Variants in RNLS observed in about 807,000 individuals in gnomAD.
RNLS encodes the protein renalase, FAD dependent amine oxidase.
A neutral mutation model predicts 39.8 loss-of-function variants in RNLS; 39 were observed. The ratio of observed to expected loss-of-function variants is 0.98; its 90% CI spans 0.76 to 1.28. The LOEUF is 1.28. RNLS is among the 50% of genes most tolerant of loss of function. RNLS has a pLI of 0.00. For missense variants in RNLS, 410 were observed against 413.3 expected (o/e 0.99, Z 0.07); for synonymous variants, 147 against 150.7 (o/e 0.98, Z 0.18).
the RNLS span, among the ~76,000 whole-genome samples, chr10:88,268,526 C>T: frequency 6.6e-6 from 1 of 152,118 alleles, no homozygotes; most frequent in South Asian, 2.1e-4. Context: ...ATCTCTCTCA[C>T]TAGAATGACA....
the RNLS span, among the ~76,000 whole-genome samples, chr10:88,253,800 TC>T: frequency 1.3e-5 from 2 of 151,936 alleles, no homozygotes; most frequent in Admixed American, 6.6e-5. Flanking sequence ...CCCCCCTCCC[TC>T]CCCTCCTCCT....
chr10:88,223,870 C>G, the RNLS span, among the ~76,000 whole-genome samples: 4 of 152,152 alleles, frequency 2.6e-5, no homozygotes, highest in African/African-American at 9.7e-5. Context: ...TTAACATCGT[C>G]TGGCCCCAAG....
At position 88,583,241 on chromosome 10, in the gene RNLS, G is replaced by T. The variant is rs948350062; in HGVS notation, c.-51C>A. ...TGAGTCTCTGCGGCGGGGCCGTTCG[G>T]CCCGGGCTTTCTGGAAAGGCGGCCG... On this transcript the variant is annotated 5_prime_UTR_variant, in exon 1 of 7. Transcript: ENST00000331772. 5.0e-6 allele frequency: 8 copies of T among 1,603,346 alleles called. No homozygotes were observed. Among genetic ancestry groups the T allele is most frequent in the Non-Finnish European group, 5.1e-6 (6 of 1,176,468 alleles).
the RNLS span, among the ~76,000 whole-genome samples, chr10:88,256,591 C>G: frequency 1.3e-5 from 2 of 152,258 alleles, no homozygotes; most frequent in Non-Finnish European, 2.9e-5. Context: ...CCCTCCCTCA[C>G]AAACCTCCAT....
chr10:88,244,613 C>A, the RNLS span, among the ~76,000 whole-genome samples: 1 of 151,964 alleles, frequency 6.6e-6, no homozygotes, highest in Non-Finnish European at 1.5e-5. Context: ...TATGTATAAA[C>A]CCTGCTGTAT....
At position 88,339,369 on chromosome 10, in the gene RNLS, G is replaced by A. The variant is rs75432727; in HGVS notation, c.700+23183C>T. On this transcript the variant is annotated intron_variant, in intron 5 of 6. Transcript: ENST00000331772. ...TATCAGTCAATTTCAATGTGTTGCAGAGTAGGTGGTGGGGAAAGAAGTAAG... is the reference window on the plus strand; with the variant it reads ...TATCAGTCAATTTCAATGTGTTGCAAAGTAGGTGGTGGGGAAAGAAGTAAG... Among the ~76,000 whole-genome samples, 232 of 152,338 alleles carry A rather than the reference G, an allele frequency of 1.5e-3. 6 individuals are homozygous for A. In the East Asian group the frequency reaches 0.039, roughly 26 times the overall value.
At chr10:88,562,590 A>G (rs1165049341) in intron 4 of RNLS, among the ~76,000 whole-genome samples, 1 of 152,156 alleles carries the variant, frequency 6.6e-6, no homozygotes, top group Non-Finnish European at 1.5e-5. Flanking sequence ...CATGAATGAA[A>G]TGACAATTTG....
intron 4 of RNLS, among the ~76,000 whole-genome samples, chr10:88,524,146 TCCTGGCTCTATCCTCTTTC>T: frequency 1.3e-5 from 2 of 152,166 alleles, no homozygotes; most frequent in South Asian, 4.1e-4. Context: ...TCTTTAGGTT[TCCTGGCTCTATCCTCTTTC>T]CCTGGCTATA....
intron 6 of RNLS, chr10:88,309,398 C>T: frequency 7.8e-7 from 1 of 1,289,130 alleles, no homozygotes; most frequent in East Asian, 5.5e-5. Flanking sequence ...AGAAATTAAT[C>T]TCATGAGGGG....
At chr10:88,457,341 G>A (rs570885668) in intron 4 of RNLS, among the ~76,000 whole-genome samples, 2 of 152,294 alleles carry the variant, frequency 1.3e-5, no homozygotes, top group East Asian at 3.9e-4. Context: ...AGTATAACAA[G>A]GTCACAGTAA....
chr10:88,535,113 G>C (rs77596864), intron 4 of RNLS, among the ~76,000 whole-genome samples: 391 of 152,182 alleles, frequency 2.6e-3, no homozygotes, highest in Non-Finnish European at 3.8e-3. Flanking sequence ...TATATAACAT[G>C]AGGATTAAAT....
At chr10:88,380,422 C>G (rs1851368181) in intron 4 of RNLS, among the ~76,000 whole-genome samples, 1 of 131,054 alleles carries the variant, frequency 7.6e-6, no homozygotes, top group African/African-American at 2.9e-5. Context: ...GTCACCCAGG[C>G]TGGAGTGCAG....
the RNLS span, among the ~76,000 whole-genome samples, chr10:88,179,289 T>C: frequency 6.6e-6 from 1 of 152,140 alleles, no homozygotes; most frequent in Non-Finnish European, 1.5e-5. Flanking sequence ...ATGGACCATA[T>C]GGATATTTCA....
chr10:88,268,568 A>G, the RNLS span, among the ~76,000 whole-genome samples: 7 of 152,216 alleles, frequency 4.6e-5, 1 homozygote, highest in African/African-American at 1.7e-4. Flanking sequence ...GGCTTAAGCG[A>G]AAGAAGAACT....
intron 4 of RNLS, among the ~76,000 whole-genome samples, chr10:88,511,743 C>G (rs748847481): frequency 5.9e-5 from 9 of 152,162 alleles, no homozygotes; most frequent in Non-Finnish European, 1.2e-4. Context: ...GTGATCTACA[C>G]TCAAATGCTC....
intron 6 of RNLS, among the ~76,000 whole-genome samples, chr10:88,310,826 A>AAAAAAAAAAAAAAAAAAAAAG: frequency 6.9e-6 from 1 of 145,694 alleles, no homozygotes; most frequent in Non-Finnish European, 1.5e-5. Flanking sequence ...AAAAAAAAAA[A>AAAAAAAAAAAAAAAAAAAAAG]AGAAAGAAAA....
At chr10:88,506,674 CTG>C (rs1845813381) in intron 4 of RNLS, among the ~76,000 whole-genome samples, 1 of 151,938 alleles carries the variant, frequency 6.6e-6, no homozygotes, top group Non-Finnish European at 1.5e-5. Context: ...TTTTTTCCAA[CTG>C]TTTTTCAACT....
intron 5 of RNLS, among the ~76,000 whole-genome samples, chr10:88,360,704 C>T (rs919575750): frequency 2.0e-5 from 3 of 152,072 alleles, no homozygotes; most frequent in African/African-American, 4.8e-5. Context: ...CCAAGATTTC[C>T]TTGATTCTTA....
intron 4 of RNLS, among the ~76,000 whole-genome samples, chr10:88,551,452 A>G (rs1180206071): frequency 6.6e-6 from 1 of 152,188 alleles, no homozygotes; most frequent in Non-Finnish European, 1.5e-5. Flanking sequence ...CCATGGACTA[A>G]TAGTCACACT....
Sources: gnomAD v4.1 joint callset for allele counts (sites outside exome capture counted in the v4.1 genomes callset) on GRCh38, gnomAD v4.1.1 for gene constraint, MANE v1.5 for transcripts, NCBI Gene and HGNC (gene_info 2026-07-23, HGNC 2026-07-21) for gene names.